The following RBM47 variants were observed in gnomAD, a reference collection of about 807,000 sequenced individuals.
RBM47 encodes the protein RNA-binding protein 47.
In RBM47, 21 loss-of-function variants were observed where a neutral mutation model predicts 47.1. The ratio of observed to expected loss-of-function variants is 0.45; its 90% confidence interval spans 0.32 to 0.64. The LOEUF (loss-of-function observed/expected upper bound fraction) is 0.64. Ranked by LOEUF, RBM47 falls within the 30% of genes least tolerant of loss-of-function variation. The probability of loss-of-function intolerance (pLI) is 0.05; values close to 1 mark genes in which losing one functional copy is unlikely to be tolerated. For synonymous variants in RBM47, 375 were observed against 361.7 expected (o/e 1.04, Z -0.42); for missense variants, 708 against 870.9 (o/e 0.81, Z 2.35).
chr4:40,464,285 C>T (rs1717622652), intron 3 of RBM47, among the ~76,000 whole-genome samples: 1 of 152,118 alleles, frequency 6.6e-6, no homozygotes, highest in African/African-American at 2.4e-5. Context: ...GGACCTGTTC[C>T]AAGACCCCCA....
intron 3 of RBM47, among the ~76,000 whole-genome samples, chr4:40,443,657 T>A (rs1325954504): frequency 1.5e-5 from 2 of 130,070 alleles, no homozygotes; most frequent in Non-Finnish European, 3.1e-5. Context: ...GCGGAAGTTG[T>A]GGTGTGCTGA....
intron 1 of RBM47, among the ~76,000 whole-genome samples, chr4:40,546,364 G>A (rs1016799385): frequency 2.0e-5 from 3 of 152,030 alleles, no homozygotes; most frequent in Non-Finnish European, 4.4e-5. Flanking sequence ...TGGTCAGGCT[G>A]GTCTTGAACT....
rs1714683457 is a variant in RBM47, at chr4:40,423,722, TTTTCTTTC to T, written c.*2174_*2181del. 6.9e-6 allele frequency: 1 copy of T among 145,456 alleles called. No homozygotes were observed. Among genetic ancestry groups the T allele is most frequent in the African/African-American group, 2.6e-5 (1 of 38,142 alleles). 9.0% of individuals were successfully genotyped at this position (145,456 alleles called of 1,614,324 possible). ...TTTCTTTCTTTCTTTCTTTTCTTTC[TTTTCTTTC>T]TTCCTCTTCTTCTTCTTTTTTGCAA... is the stretch of plus-strand genomic sequence containing the variant. On this transcript the variant is annotated 3_prime_UTR_variant, in exon 7 of 7. Coordinates refer to ENST00000295971, the MANE Select transcript of RBM47 (RefSeq NM_001098634.2).
At position 40,437,073 on chromosome 4, in the gene RBM47, C is replaced by CAAAAAAAAAAAAAAAAAAA. The variant is rs750922605; in HGVS notation, c.1124-427_1124-426insTTTTTTTTTTTTTTTTTTT. Among the ~76,000 whole-genome samples, 37 of 21,290 alleles carry CAAAAAAAAAAAAAAAAAAA rather than the reference C, an allele frequency of 1.7e-3. 14 individuals are homozygous for CAAAAAAAAAAAAAAAAAAA. The highest frequency in any genetic ancestry group is 3.8e-3 in the African/African-American group (17 of 4,464). The allele number at this position is 21,290 out of a possible 152,430, so 14.0% of individuals were successfully genotyped here. A position where few individuals can be genotyped will look rare whatever the true frequency, so the allele number is the denominator to read the frequency against. On this transcript the variant is annotated intron_variant, in intron 4 of 6. Transcript: ENST00000295971. ...TGGGGAGCATGGTGAGACCCTGTCT[C>CAAAAAAAAAAAAAAAAAAA]AAAAAAAAAAAAAAAAAATATATAT...
intron 2 of RBM47, among the ~76,000 whole-genome samples, chr4:40,538,325 A>AT (rs1391348519): frequency 3.8e-4 from 45 of 117,630 alleles, no homozygotes; most frequent in African/African-American, 1.6e-3. Flanking sequence ...TTTTATTGGT[A>AT]TTGTTTTTTT....
At chr4:40,430,927 T>A (rs946452899) in intron 6 of RBM47, among the ~76,000 whole-genome samples, 5 of 151,726 alleles carry the variant, frequency 3.3e-5, no homozygotes, top group Admixed American at 3.3e-4. Flanking sequence ...TCCCTACAAA[T>A]AAAAAAGTTA....
chr4:40,454,003 A>G (rs993580923), intron 3 of RBM47, among the ~76,000 whole-genome samples: 4 of 152,198 alleles, frequency 2.6e-5, no homozygotes, highest in Non-Finnish European at 5.9e-5. Flanking sequence ...TGTGGGCTCT[A>G]GAGTACGGGG....
chr4:40,505,834 G>C (rs1372589873), intron 2 of RBM47, among the ~76,000 whole-genome samples: 1 of 152,048 alleles, frequency 6.6e-6, no homozygotes, highest in Non-Finnish European at 1.5e-5. Context: ...AGACGTTGCA[G>C]TGAGCCGAGA....
At chr4:40,549,818 T>C (rs1729387810) in intron 1 of RBM47, among the ~76,000 whole-genome samples, 1 of 152,114 alleles carries the variant, frequency 6.6e-6, no homozygotes, top group East Asian at 1.9e-4. Flanking sequence ...GCAGCTGGTA[T>C]TACAGGCGTG....
chr4:40,588,511 A>T (rs905647639), intron 1 of RBM47, among the ~76,000 whole-genome samples: 1 of 152,188 alleles, frequency 6.6e-6, no homozygotes, highest in Non-Finnish European at 1.5e-5. Flanking sequence ...AAAACACGAA[A>T]TTATGGACAG....
chr4:40,567,146 C>G (rs143534959), intron 1 of RBM47, among the ~76,000 whole-genome samples: 2 of 151,736 alleles, frequency 1.3e-5, no homozygotes, highest in Non-Finnish European at 2.9e-5. Context: ...AAGATTTGAG[C>G]CCAAATCTAA....
intron 2 of RBM47, among the ~76,000 whole-genome samples, chr4:40,487,554 T>C (rs1317576717): frequency 6.6e-6 from 1 of 152,082 alleles, no homozygotes; most frequent in East Asian, 1.9e-4. Context: ...GCCTCCCAAA[T>C]TGTTGGGATA....
chr4:40,543,469 CA>C (rs1004265396), intron 2 of RBM47: 97 of 146,234 alleles, frequency 6.6e-4, no homozygotes, highest in Middle Eastern at 7.1e-3. Context: ...ATGAAGTCAC[CA>C]AAAAAAAAAG....
intron 1 of RBM47, among the ~76,000 whole-genome samples, chr4:40,590,524 T>G (rs944301756): frequency 6.6e-6 from 1 of 152,170 alleles, no homozygotes; most frequent in African/African-American, 2.4e-5. Flanking sequence ...GACCCCAGTC[T>G]CCAAGCCTTA....
chr4:40,431,614 C>A (rs531702882), intron 6 of RBM47, among the ~76,000 whole-genome samples: 7 of 148,816 alleles, frequency 4.7e-5, no homozygotes, highest in Non-Finnish European at 3.0e-5. Context: ...GCCGAGATGG[C>A]GCCACTGCGC....
intron 1 of RBM47, among the ~76,000 whole-genome samples, chr4:40,586,224 T>C (rs1246486840): frequency 6.6e-6 from 1 of 152,216 alleles, no homozygotes; most frequent in Non-Finnish European, 1.5e-5. Flanking sequence ...GATCGGTTCA[T>C]CCTGCTGAGG....
At chr4:40,457,732 GC>G (rs1716513229) in intron 3 of RBM47, among the ~76,000 whole-genome samples, 1 of 152,142 alleles carries the variant, frequency 6.6e-6, no homozygotes, top group Admixed American at 6.6e-5. Flanking sequence ...ACTGTGCCCA[GC>G]CAAGGGTATT....
rs1379041701 is a variant in RBM47, at chr4:40,626,673, C to G, written c.-240+2723G>C. Reference sequence around the variant, plus strand: ...CTTAAAAGCAGGTGGTCATTGACTTCAAGGGGACGAGATCGCCCTCCCCAC... The same window carrying G: ...CTTAAAAGCAGGTGGTCATTGACTTGAAGGGGACGAGATCGCCCTCCCCAC... On this transcript the variant is annotated intron_variant, in intron 1 of 6. Coordinates refer to ENST00000295971, the MANE Select transcript of RBM47 (RefSeq NM_001098634.2). Among the ~76,000 whole-genome samples, 4 of 152,156 alleles carry G rather than the reference C, an allele frequency of 2.6e-5. No individual in the cohort carries two copies. The East Asian group carries it at 7.7e-4, about 29-fold the overall frequency.
intron 2 of RBM47, among the ~76,000 whole-genome samples, chr4:40,472,379 A>T (rs1560397678): frequency 6.6e-6 from 1 of 152,130 alleles, no homozygotes; most frequent in Non-Finnish European, 1.5e-5. Context: ...GTTTGAGACC[A>T]GCCTGACCAA....
Sources: gnomAD v4.1 joint callset for allele counts (sites outside exome capture counted in the v4.1 genomes callset) on GRCh38, gnomAD v4.1.1 for gene constraint, MANE v1.5 for transcripts, NCBI Gene and HGNC (gene_info 2026-07-23, HGNC 2026-07-21) for gene names.